DPF3: variants seen among roughly 807,000 people sequenced by gnomAD.
The protein encoded by DPF3 is zinc finger protein DPF3.
In DPF3, 18 loss-of-function variants were observed where a neutral mutation model predicts 56.8. The ratio of observed to expected loss-of-function variants is 0.32; its 90% CI spans 0.22 to 0.47. The LOEUF is 0.47. Among genes scored for constraint, DPF3 ranks in the 20% least tolerant of loss-of-function variants. The pLI, the probability that DPF3 is intolerant of heterozygous loss-of-function variation, is 1.00. For synonymous variants in DPF3, 188 were observed against 180.2 expected, an observed-to-expected ratio of 1.04 and a Z score of -0.35; for missense variants, 403 against 488.8, an observed-to-expected ratio of 0.82 and a Z score of 1.65.
chr14:72,764,504 T>G (rs1401864277), intron 2 of DPF3, among the ~76,000 whole-genome samples: 1 of 139,468 alleles, frequency 7.2e-6, no homozygotes, highest in Non-Finnish European at 1.5e-5. Context: ...TTTTTTTTTT[T>G]TTTTTTTTTT....
intron 3 of DPF3, 134 bp downstream of exon 3, chr14:72,753,130 A>G (rs1301919275): frequency 1.5e-5 from 11 of 713,760 alleles, no homozygotes; most frequent in Non-Finnish European, 2.1e-5. Flanking sequence ...ACCCTTAAGC[A>G]TGATGTGGGC....
chr14:72,814,764 C>T (rs61986320), intron 1 of DPF3, among the ~76,000 whole-genome samples: 33,618 of 151,406 alleles, frequency 0.22, 4,770 homozygotes, highest in Non-Finnish European at 0.3. Flanking sequence ...GAGCCGAGAT[C>T]GCGCCACTGC....
In DPF3 at chr14:72,753,660, C is replaced by T. The variant is rs535355135; in HGVS notation, c.194-289G>A. Among the ~76,000 whole-genome samples, 3 of 152,306 alleles carry T rather than the reference C, an allele frequency of 2.0e-5. No homozygotes were observed. The East Asian group carries it at 5.8e-4, about 29-fold the overall frequency. ...CTCTCCTGCCTGGAGAGATCACCAACTGGACCTTCAGACAAGAAGGACCTT... is the reference window on the plus strand; with the variant it reads ...CTCTCCTGCCTGGAGAGATCACCAATTGGACCTTCAGACAAGAAGGACCTT... On this transcript the variant is annotated intron_variant, in intron 2 of 10. Transcript: ENST00000556509.
chr14:72,855,172 G>A (rs564651163), intron 1 of DPF3, among the ~76,000 whole-genome samples: 1 of 152,278 alleles, frequency 6.6e-6, no homozygotes, highest in Admixed American at 6.5e-5. Flanking sequence ...GCCCGGTGAC[G>A]ATCACGCCTA....
intron 1 of DPF3, chr14:72,773,912 G>A (rs1335533410): frequency 2.2e-6 from 1 of 455,568 alleles, no homozygotes. Context: ...ATCTGTCAGT[G>A]GATATCTGGG....
chr14:72,697,950 G>A (rs967976013), intron 6 of DPF3, among the ~76,000 whole-genome samples: 1 of 152,088 alleles, frequency 6.6e-6, no homozygotes, highest in Non-Finnish European at 1.5e-5. Flanking sequence ...CCTTCTGCTC[G>A]CTGGCCTTTT....
Position 72,760,599 on chromosome 14 carries a change from T to A in DPF3, c.194-7228A>T, listed in dbSNP as rs189554089. On this transcript the variant is annotated intron_variant, in intron 2 of 10. Coordinates refer to ENST00000556509, the MANE Select transcript of DPF3 (RefSeq NM_001280542.3). The stretch of plus-strand genomic sequence containing the variant: ...TCACAGTACTATTGTAGACTCCTTA[T>A]ACTATTCATGAAATAGAATAATATA... Among the ~76,000 whole-genome samples, 535 of 152,314 alleles carry A rather than the reference T, an allele frequency of 3.5e-3. 1 individual carries two copies. The highest frequency in any genetic ancestry group is 0.012 in the African/African-American group (515 of 41,578).
At chr14:72,779,819 C>T (rs1891895219) in intron 1 of DPF3, among the ~76,000 whole-genome samples, 1 of 152,252 alleles carries the variant, frequency 6.6e-6, no homozygotes, top group Non-Finnish European at 1.5e-5. Context: ...CCATGTGATG[C>T]AACACTCACT....
chr14:72,836,376 G>C, intron 1 of DPF3: 1 of 985,546 alleles, frequency 1.0e-6, no homozygotes, highest in Non-Finnish European at 1.2e-6. Context: ...CAGAGAAACT[G>C]TCAGAGCAGG....
At chr14:72,816,422 C>T (rs1486171025) in intron 1 of DPF3, among the ~76,000 whole-genome samples, 1 of 152,188 alleles carries the variant, frequency 6.6e-6, no homozygotes, top group Non-Finnish European at 1.5e-5. Context: ...CCACATTCTC[C>T]AACCCTCAGA....
intron 8 of DPF3, among the ~76,000 whole-genome samples, chr14:72,644,007 C>A (rs1306638011): frequency 6.6e-6 from 1 of 152,134 alleles, no homozygotes; most frequent in Non-Finnish European, 1.5e-5. Context: ...TTCCCCAAGT[C>A]ATGAATTCAC....
At chr14:72,836,822 C>T (rs1044315031) in intron 1 of DPF3, among the ~76,000 whole-genome samples, 3 of 151,928 alleles carry the variant, frequency 2.0e-5, no homozygotes, top group Non-Finnish European at 4.4e-5. Context: ...AAACAGGAGA[C>T]GGCTGTGTGG....
chr14:72,796,344 A>T (rs1402329552), intron 1 of DPF3, among the ~76,000 whole-genome samples: 2 of 152,162 alleles, frequency 1.3e-5, no homozygotes, highest in Non-Finnish European at 2.9e-5. Context: ...TCTACCAAAA[A>T]TACAAAAAAT....
intron 8 of DPF3, chr14:72,661,498 T>C: frequency 1.0e-6 from 1 of 985,594 alleles, no homozygotes; most frequent in Non-Finnish European, 1.2e-6. Context: ...CATGGCTGTG[T>C]GAAAGCCCAG....
In DPF3 at chr14:72,631,194, A is replaced by G. The variant is rs146419148; in HGVS notation, c.872-1458T>C. ...GAGGGGACACTCAGTGAATACAGGC[A>G]GAAGCAGCAAGGAGAGGCCTGATCT... On this transcript the variant is annotated intron_variant, in intron 8 of 10. Transcript: ENST00000556509. Among the ~76,000 whole-genome samples the G allele has an allele frequency of 4.9e-4, 74 of 152,362 alleles. 1 individual carries two copies. Among genetic ancestry groups the G allele is most frequent in the African/African-American group, 1.7e-3 (70 of 41,580 alleles).
In DPF3 at chr14:72,612,158, A is replaced by G. The variant is rs1292332807; in HGVS notation, c.*7139T>C. On this transcript the variant is annotated 3_prime_UTR_variant, in exon 11 of 11. Transcript: ENST00000556509. ...GGAAAAACCCCCAGGGTGGACAACC[A>G]TGGCAGATGAGTGGGGGGCAGCTTG... 2.6e-5 allele frequency among the ~76,000 whole-genome samples: 4 copies of G among 152,190 alleles called. No homozygotes were observed. The highest frequency in any genetic ancestry group is 9.7e-5 in the African/African-American group (4 of 41,448).
chr14:72,736,364 A>G (rs1889895073), intron 3 of DPF3, among the ~76,000 whole-genome samples: 1 of 152,232 alleles, frequency 6.6e-6, no homozygotes, highest in Non-Finnish European at 1.5e-5. Flanking sequence ...CAGCTACCAT[A>G]ATGGACAGTG....
intron 8 of DPF3, among the ~76,000 whole-genome samples, chr14:72,664,896 A>C (rs931248817): frequency 6.6e-6 from 1 of 152,250 alleles, no homozygotes; most frequent in Admixed American, 6.5e-5. Context: ...ACAAGCAAAC[A>C]TGATGTGTTG....
chr14:72,796,582 A>G (rs1036740058), intron 1 of DPF3, among the ~76,000 whole-genome samples: 1 of 152,100 alleles, frequency 6.6e-6, no homozygotes, highest in African/African-American at 2.4e-5. Context: ...AGCATGTAAA[A>G]CCTTTGGCAT....
Sources: allele counts gnomAD v4.1 joint callset (sites outside exome capture counted in the v4.1 genomes callset), GRCh38; gene constraint gnomAD v4.1.1; transcripts MANE v1.5; gene names NCBI Gene and HGNC (gene_info 2026-07-23, HGNC 2026-07-21).